Variants in FSCN1 observed in about 807,000 individuals in gnomAD.
The protein encoded by FSCN1 is fascin actin-bundling protein 1.
FSCN1 carries 10 observed loss-of-function variants against 39.7 expected under a neutral mutation model. The observed-to-expected ratio is 0.25, with a 90% CI of 0.16 to 0.43. The LOEUF is 0.43. FSCN1 is among the 20% of genes least tolerant of loss of function. The pLI, the probability that FSCN1 is intolerant of heterozygous loss-of-function variation, is 1.00. For missense variants in FSCN1, 525 were observed against 723.8 expected, an observed-to-expected ratio of 0.73 and a Z score of 3.15; for synonymous variants, 322 against 320.0, an observed-to-expected ratio of 1.01 and a Z score of -0.07.
intron 1 of FSCN1, among the ~76,000 whole-genome samples, chr7:5,597,798 A>C (rs1349233159): frequency 6.6e-6 from 1 of 151,246 alleles, no homozygotes; most frequent in Non-Finnish European, 1.5e-5. Context: ...AGGGAAGGCC[A>C]CTGTGAGGGG....
In FSCN1 at chr7:5,605,665, T is replaced by G; in HGVS notation, c.*191T>G. Reference sequence around the variant, plus strand: ...TCCCCACTCTCCCCTCCGCCCGGGTTCCCTACTCCCCTCGGGTCAGCGGCT... The same window carrying G: ...TCCCCACTCTCCCCTCCGCCCGGGTGCCCTACTCCCCTCGGGTCAGCGGCT... On this transcript the variant is annotated 3_prime_UTR_variant, in exon 5 of 5. Transcript: ENST00000382361. This position sits in a 1 kb window ranked among gnomAD's most constrained non-coding sequence, Gnocchi z 6.9. The G allele has an allele frequency of 5.2e-6, 3 of 579,574 alleles. No homozygotes were observed. Among genetic ancestry groups the G allele is most frequent in the African/African-American group, 1.9e-5 (1 of 53,322 alleles). 35.9% of individuals were successfully genotyped at this position (579,574 alleles called of 1,614,324 possible). A position where few individuals can be genotyped will look rare whatever the true frequency, so the allele number is the denominator to read the frequency against.
chr7:5,602,387 T>G (rs1398402445), intron 1 of FSCN1, among the ~76,000 whole-genome samples: 1 of 152,090 alleles, frequency 6.6e-6, no homozygotes, highest in Non-Finnish European at 1.5e-5. Context: ...TCGTGTTTTA[T>G]TTTAATTTTT....
intron 1 of FSCN1, among the ~76,000 whole-genome samples, chr7:5,597,687 AAAAAACAACCAAAACAAACAAAC>A (rs1785755034): frequency 6.6e-6 from 1 of 151,976 alleles, no homozygotes; most frequent in African/African-American, 2.4e-5. Context: ...AACAAAACAA[AAAAAACAACCAAAACAAACAAAC>A]AAAAAACTGT....
intron 4 of FSCN1, among the ~76,000 whole-genome samples, chr7:5,604,649 A>T (rs1785899849): frequency 7.6e-6 from 1 of 131,738 alleles, no homozygotes; most frequent in Admixed American, 7.6e-5. Context: ...TTATATTTTT[A>T]AAATTTATTA....
intron 4 of FSCN1, among the ~76,000 whole-genome samples, chr7:5,604,379 G>A (rs1340844586): frequency 6.6e-6 from 1 of 152,094 alleles, no homozygotes; most frequent in Non-Finnish European, 1.5e-5. Context: ...TGGAAAGGGT[G>A]TGCAGGGGAG....
At chr7:5,604,111 C>T in intron 4 of FSCN1, 81 bp downstream of exon 4, 2 of 1,336,662 alleles carry the variant, frequency 1.5e-6, no homozygotes, top group Non-Finnish European at 2.1e-6. Context: ...GCGCCCTCTG[C>T]ATCCACACTG....
At chr7:5,602,439 C>T (rs1300943645) in intron 1 of FSCN1, among the ~76,000 whole-genome samples, 2 of 151,910 alleles carry the variant, frequency 1.3e-5, no homozygotes, top group Non-Finnish European at 2.9e-5. Context: ...CAGACACGGC[C>T]CCCCAAGATG....
At chr7:5,602,134 G>C (rs1002209355) in intron 1 of FSCN1, among the ~76,000 whole-genome samples, 2 of 151,560 alleles carry the variant, frequency 1.3e-5, no homozygotes, top group African/African-American at 4.9e-5. Context: ...TCAAACTCCC[G>C]ACCTCGGGTG....
At chr7:5,593,867 C>CG in intron 1 of FSCN1, 99 bp downstream of exon 1, 1 of 875,590 alleles carries the variant, frequency 1.1e-6, no homozygotes, top group Non-Finnish European at 1.7e-6. Context: ...CGCGGCGCCG[C>CG]TGCGGTCCGG....
intron 1 of FSCN1, among the ~76,000 whole-genome samples, chr7:5,597,444 T>A (rs1437281684): frequency 6.6e-6 from 1 of 151,662 alleles, no homozygotes; most frequent in South Asian, 2.1e-4. Flanking sequence ...GGTGGGTGGA[T>A]CACCTGGAGG....
At chr7:5,594,725 C>G (rs1468718121) in intron 1 of FSCN1, 1 of 152,140 alleles carries the variant, frequency 6.6e-6, no homozygotes, top group African/African-American at 2.4e-5. Context: ...GTCTCCAGGC[C>G]GGTGCGCTGA....
At chr7:5,596,913 C>T (rs1366707222) in intron 1 of FSCN1, among the ~76,000 whole-genome samples, 1 of 152,182 alleles carries the variant, frequency 6.6e-6, no homozygotes, top group Non-Finnish European at 1.5e-5. Flanking sequence ...TTCCAGGCCC[C>T]CTCCCCTAAA....
intron 1 of FSCN1, among the ~76,000 whole-genome samples, chr7:5,598,585 T>TGAGGACGAGCCCTGTAAACCC (rs1785771615): frequency 6.6e-6 from 1 of 152,202 alleles, no homozygotes. Flanking sequence ...CAAGGCTGTG[T>TGAGGACGAGCCCTGTAAACCC]GAGGACGAGC....
chr7:5,596,696 GCCCTCT>G (rs1785736426), intron 1 of FSCN1, among the ~76,000 whole-genome samples: 1 of 152,160 alleles, frequency 6.6e-6, no homozygotes. Context: ...CTTGGGACAT[GCCCTCT>G]CCCAGCCACT....
Position 5,605,462 on chromosome 7 carries a change from C to A in FSCN1, c.1470C>A (p.Leu490=). The change falls in exon 5 of 5, where the codon CTC becomes CTA. Residue 490 remains leucine, a synonymous_variant. Transcript: ENST00000382361. This position sits in a 1 kb window ranked among gnomAD's most constrained non-coding sequence, Gnocchi z 6.9. ...CGGAAACCGTGGACCCCGCCTCGCT[C>A]TGGGAGTACTAGGGCCGGCCCGTCC... is the stretch of plus-strand genomic sequence containing the variant. ...ASAETVDPAS[L]WEY is the part of the protein sequence containing the mutation. 6.3e-7 allele frequency: 1 copy of A among 1,578,954 alleles called. No homozygotes were observed. Among genetic ancestry groups the A allele is most frequent in the South Asian group, 1.1e-5 (1 of 87,488 alleles).
At chr7:5,601,773 G>A (rs1245396896) in intron 1 of FSCN1, among the ~76,000 whole-genome samples, 1 of 152,050 alleles carries the variant, frequency 6.6e-6, no homozygotes, top group Non-Finnish European at 1.5e-5. Flanking sequence ...CCAGGAAGTC[G>A]AGGCTACAGT....
rs773024617 is a variant in FSCN1 at position 5,603,489 on chromosome 7, C to A, written c.990-7C>A. On this transcript the variant is annotated splice_polypyrimidine_tract_variant and splice_region_variant and intron_variant, in intron 2 of 4. Coordinates refer to ENST00000382361, the MANE Select transcript of FSCN1 (RefSeq NM_003088.4). The surrounding 1 kb of genome is among the most constrained non-coding windows in gnomAD (Gnocchi z 8.5). Reference sequence around the variant, plus strand: ...ACCCCGCCTGACCCTGTCCCGCCATCCCCCAGGAATGCCAGCTGCTACTTT... The same window carrying A: ...ACCCCGCCTGACCCTGTCCCGCCATACCCCAGGAATGCCAGCTGCTACTTT... 2 of 1,614,162 alleles carry A rather than the reference C, an allele frequency of 1.2e-6. No individual in the cohort carries two copies. Among genetic ancestry groups the A allele is most frequent in the East Asian group, 2.2e-5 (1 of 44,882 alleles).
At position 5,593,511 on chromosome 7, in the gene FSCN1, A is replaced by G. The variant is rs1285132237; in HGVS notation, c.575A>G (p.Asp192Gly). The change falls in exon 1 of 5, where the codon GAC becomes GGC. Residue 192 changes from aspartate to glycine, a missense_variant. By Grantham distance (94) the Asp-to-Gly change is moderately conservative. This residue lies in a region of FSCN1 where 246 missense variants were observed against 350.6 expected (regional missense o/e 0.70). Transcript: ENST00000382361. ...QDQRYSVQTA[D>G]HRFLRHDGRL... is the part of the protein sequence containing the mutation. ...CAGCGCTACAGCGTGCAGACCGCCG[A>G]CCACCGCTTCCTGCGCCACGACGGG... is the stretch of plus-strand genomic sequence containing the variant. 2 of 1,605,886 alleles carry G rather than the reference A, an allele frequency of 1.2e-6. No individual in the cohort carries two copies. Among genetic ancestry groups the G allele is most frequent in the African/African-American group, 2.7e-5 (2 of 74,620 alleles).
rs765998796 is a variant in FSCN1, at chr7:5,593,647, C to A, written c.711C>A (p.Ser237Arg). The change falls in exon 1 of 5, where the codon AGC (serine) becomes AGA (arginine). Residue 237 changes from serine to arginine, a missense_variant. By Grantham distance (110) the Ser-to-Arg change is moderately radical. Transcript: ENST00000382361. Reference sequence around the variant, plus strand: ...GTTACCTGGCGCCGTCGGGGCCCAGCGGCACGCTCAAGGCGGGCAAGGCCA... The same window carrying A: ...GTTACCTGGCGCCGTCGGGGCCCAGAGGCACGCTCAAGGCGGGCAAGGCCA... ...EGRYLAPSGP[S>R]GTLKAGKATK... is the part of the protein sequence containing the mutation. 12 of 1,575,672 alleles carry A rather than the reference C, an allele frequency of 7.6e-6. No homozygotes were observed. The South Asian group carries it at 1.4e-4, about 18-fold the overall frequency.
Sources: allele counts gnomAD v4.1 joint callset (sites outside exome capture counted in the v4.1 genomes callset), GRCh38; gene constraint gnomAD v4.1.1; regional missense constraint gnomAD v4.1.1; non-coding constraint Gnocchi (gnomAD v3.1); transcripts MANE v1.5; gene names NCBI Gene and HGNC (gene_info 2026-07-23, HGNC 2026-07-21).